The following ARHGEF15 variants were observed in gnomAD, a reference collection of about 807,000 sequenced individuals.
ARHGEF15 encodes Rho guanine nucleotide exchange factor 15, also known as Rho guanine nucleotide exchange factor (GEF) 15.
A neutral mutation model predicts 79.7 loss-of-function variants in ARHGEF15; 58 were observed. That is an observed-to-expected ratio of 0.73 (90% CI 0.59 to 0.91). The LOEUF (loss-of-function observed/expected upper bound fraction) is 0.91. Among genes scored for constraint, ARHGEF15 ranks in the 40% least tolerant of loss-of-function variants. The probability of loss-of-function intolerance (pLI) is 0.00; values close to 1 mark genes in which losing one functional copy is unlikely to be tolerated. For synonymous variants in ARHGEF15, 442 were observed against 456.0 expected (o/e 0.97, Z 0.39); for missense variants, 1,012 against 1,108.1 (o/e 0.91, Z 1.23).
intron 1 of ARHGEF15, chr17:8,310,763 CGTGAG>C (rs1397445080): frequency 2.6e-5 from 4 of 152,172 alleles, no homozygotes; most frequent in Non-Finnish European, 4.4e-5. Flanking sequence ...TGGTGTGGTT[CGTGAG>C]GGGGGGGTGT....
Position 8,312,231 on chromosome 17 carries a change from G to T in ARHGEF15, c.192G>T (p.Glu64Asp). 6.5e-7 allele frequency: 1 copy of T among 1,540,424 alleles called. No individual in the cohort carries two copies. Among genetic ancestry groups the T allele is most frequent in the Non-Finnish European group, 8.7e-7 (1 of 1,143,310 alleles). The change falls in exon 2 of 16, where the codon GAG (glutamate) becomes GAT (aspartate). Residue 64 changes from glutamate to aspartate, a missense_variant. Glu to Asp is a conservative substitution (Grantham distance 45, BLOSUM62 2). This residue lies in a region of ARHGEF15 where 818 missense variants were observed against 882.5 expected (regional missense o/e 0.93). Transcript: ENST00000361926. Reference sequence around the variant, plus strand: ...CAATGTGCACCCCCATCTTCTGGGAGCCCCCAGCTGCATCCCTCAAGCCCC... The same window carrying T: ...CAATGTGCACCCCCATCTTCTGGGATCCCCCAGCTGCATCCCTCAAGCCCC... ...PTPMCTPIFW[E>D]PPAASLKPPA...
intron 3 of ARHGEF15, 48 bp from the exon 4 acceptor site, chr17:8,313,453 G>A: frequency 1.3e-6 from 2 of 1,595,774 alleles, no homozygotes; most frequent in Non-Finnish European, 1.7e-6. Flanking sequence ...AGTCCTGGCT[G>A]GGGATCCTGG....
rs780447065 is a variant in ARHGEF15 at position 8,316,025 on chromosome 17, C to T, written c.1581C>T (p.Thr527=). Reference sequence around the variant, plus strand: ...GCCATGCCTGCTTCTGCAGGGACACCAACGTGCGCTTCTCCGCCGAGCTGC... The same window carrying T: ...GCCATGCCTGCTTCTGCAGGGACACTAACGTGCGCTTCTCCGCCGAGCTGC... ...QEETYSRLMD[T]NVRFSAELRR... is the part of the protein sequence containing the mutation. Residue 527 remains threonine (T), a synonymous_variant, in exon 9 of 16, where the codon ACC becomes ACT. Transcript: ENST00000361926. 6.2e-7 allele frequency: 1 copy of T among 1,602,200 alleles called. No homozygotes were observed. The highest frequency in any genetic ancestry group is 8.5e-7 in the Non-Finnish European group (1 of 1,179,204).
chr17:8,321,229 A>G lies in ARHGEF15; in HGVS notation c.*236A>G. ...CAATGGAGACAGAGGCTTAGTGCAG[A>G]GCAGCCAATGGGTACTGAGCTGGCT... On this transcript the variant is annotated 3_prime_UTR_variant, in exon 16 of 16. Coordinates refer to ENST00000361926, the MANE Select transcript of ARHGEF15 (RefSeq NM_173728.4). 1 of 564,614 alleles carries G rather than the reference A, an allele frequency of 1.8e-6. No homozygotes were observed. The highest frequency in any genetic ancestry group is 3.1e-6 in the Non-Finnish European group (1 of 322,710). 35.0% of individuals were successfully genotyped at this position (564,614 alleles called of 1,614,324 possible). A position where few individuals can be genotyped will look rare whatever the true frequency, so the allele number is the denominator to read the frequency against.
Position 8,315,204 on chromosome 17 carries a change from G to A in ARHGEF15, c.1187G>A (p.Trp396Ter). Residue 396 changes from tryptophan to a stop codon, truncating the protein, a stop_gained, in exon 6 of 16, where the codon TGG (tryptophan) becomes TAG (stop). Coordinates refer to ENST00000361926, the MANE Select transcript of ARHGEF15 (RefSeq NM_173728.4). LOFTEE classifies it high-confidence loss of function. The surrounding 1 kb of genome is among the most constrained non-coding windows in gnomAD (Gnocchi z 4.3). ...CCCCCTGGACCTCGCAACACCCTGT[G>A]GCAGGAGCTTCCGGCTGTGCAAGCC... ...PRPPGPRNTL[W>*]QELPAVQASG... 1.2e-6 allele frequency: 2 copies of A among 1,613,910 alleles called. No homozygotes were observed. Among genetic ancestry groups the A allele is most frequent in the Non-Finnish European group, 1.7e-6 (2 of 1,179,966 alleles).
Position 8,320,915 on chromosome 17 carries a change from G to A in ARHGEF15, c.2448G>A (p.Arg816=), listed in dbSNP as rs1905343818. 1.2e-6 allele frequency: 2 copies of A among 1,614,060 alleles called. No homozygotes were observed. The highest frequency in any genetic ancestry group is 2.2e-5 in the South Asian group (2 of 91,076). The change falls in exon 16 of 16, where the codon AGG becomes AGA. Residue 816 remains arginine (R), a synonymous_variant. Transcript: ENST00000361926. The part of the protein sequence containing the change: ...VCEVTGEHER[R]RHLRQNQRLL... ...AAGTCACAGGGGAACACGAAAGGAG[G>A]AGGCACCTTCGCCAGAACCAGAGGC... is the stretch of plus-strand genomic sequence containing the variant.
chr17:8,316,236 T>C (rs1007925436), intron 9 of ARHGEF15, 88 bp downstream of exon 9: 1 of 1,507,450 alleles, frequency 6.6e-7, no homozygotes, highest in Non-Finnish European at 8.9e-7. Context: ...GCTATCACCA[T>C]GCACTACTCC....
chr17:8,319,314 C>A lies in ARHGEF15; in HGVS notation c.2189C>A (p.Ser730Ter), dbSNP rs1461266356. ...THRLLQASSL[S>*]DMQRWLGAFP... ...ACACTTCCCAATATCCCCACCAGATCAGACATGCAGCGCTGGCTGGGAGCC... is the reference window on the plus strand; with the variant it reads ...ACACTTCCCAATATCCCCACCAGATAAGACATGCAGCGCTGGCTGGGAGCC... Residue 730 changes from serine to a stop codon, truncating the protein, a stop_gained and splice_region_variant, in exon 14 of 16, where the codon TCA becomes TAA. Transcript: ENST00000361926. LOFTEE classifies it high-confidence loss of function. The A allele has an allele frequency of 5.0e-6, 8 of 1,613,682 alleles. No individual in the cohort carries two copies. Among genetic ancestry groups the A allele is most frequent in the Non-Finnish European group, 6.8e-6 (8 of 1,179,872 alleles).
intron 1 of ARHGEF15, among the ~76,000 whole-genome samples, chr17:8,311,256 T>C (rs112761146): frequency 0.013 from 1,965 of 152,104 alleles, 22 homozygotes; most frequent in Middle Eastern, 0.024. Flanking sequence ...CGCAGCGCCC[T>C]GGCCCGACTG....
chr17:8,322,469 C>T lies in ARHGEF15; in HGVS notation c.*1476C>T, dbSNP rs2430. The T allele has an allele frequency of 0.26, 39,118 of 152,260 alleles. 6,346 individuals are homozygous for T. Among genetic ancestry groups the T allele is most frequent in the African/African-American group, 0.45 (18,852 of 41,490 alleles). 9.4% of individuals were successfully genotyped at this position (152,260 alleles called of 1,614,324 possible). On this transcript the variant is annotated 3_prime_UTR_variant, in exon 16 of 16. Transcript: ENST00000361926. ...CATTGGAGACTCCCCTAGCAGGGTG[C>T]CTGACGTGTGGGGAACCCTCAGTAA...
rs1400120670 is a variant in ARHGEF15, at chr17:8,313,566, C to T, written c.989+11C>T. The T allele has an allele frequency of 6.2e-7, 1 of 1,611,928 alleles. No homozygotes were observed. The highest frequency in any genetic ancestry group is 1.3e-5 in the African/African-American group (1 of 74,886). ...AACTGTGGAGGGGAGGTACTGAACA[C>T]CCCCACCCCTACTCCCTGGTTCTCT... On this transcript the variant is annotated intron_variant, in intron 4 of 15. Transcript: ENST00000361926.
rs751489982 is a variant in ARHGEF15, at chr17:8,313,209, C to G, written c.889C>G (p.Pro297Ala). The stretch of plus-strand genomic sequence containing the variant: ...GGATGCCACCATTTTCGGGGACCCC[C>G]CACAGCCAGATCTTGATCTGCTTTC... ...RQDATIFGDP[P>A]QPDLDLLSED... The change falls in exon 3 of 16, where the codon CCA becomes GCA. Residue 297 changes from proline (P) to alanine (A), a missense_variant. Pro to Ala is a conservative substitution (Grantham distance 27, BLOSUM62 -1). Around this residue, in one of 3 missense-constraint regions of ARHGEF15, gnomAD observed 818 missense variants for 882.5 expected, o/e 0.93. Transcript: ENST00000361926. 1.2e-6 allele frequency: 2 copies of G among 1,607,176 alleles called. No homozygotes were observed. Among genetic ancestry groups the G allele is most frequent in the Non-Finnish European group, 1.7e-6 (2 of 1,179,980 alleles).
At chr17:8,316,945 G>A (rs1905064270) in intron 9 of ARHGEF15, among the ~76,000 whole-genome samples, 1 of 152,034 alleles carries the variant, frequency 6.6e-6, no homozygotes, top group Non-Finnish European at 1.5e-5. Context: ...ACCATGCCTG[G>A]CTAATTTTTG....
intron 15 of ARHGEF15, among the ~76,000 whole-genome samples, 143 bp from the exon 16 acceptor site, chr17:8,320,688 ACTTCTGATGCC>A (rs1905324011): frequency 6.6e-6 from 1 of 152,066 alleles, no homozygotes; most frequent in Non-Finnish European, 1.5e-5. Flanking sequence ...TGTCACCTCC[ACTTCTGATGCC>A]CTTTCTACCG....
At chr17:8,316,653 G>C (rs1905044374) in intron 9 of ARHGEF15, among the ~76,000 whole-genome samples, 1 of 152,228 alleles carries the variant, frequency 6.6e-6, no homozygotes, top group African/African-American at 2.4e-5. Context: ...CAGAGTTCCA[G>C]TAGATCTGTA....
rs1254529014 is a variant in ARHGEF15, at chr17:8,315,778, G to A, written c.1445G>A (p.Arg482His). The A allele has an allele frequency of 2.5e-6, 4 of 1,612,906 alleles. No individual in the cohort carries two copies. Among genetic ancestry groups the A allele is most frequent in the East Asian group, 2.2e-5 (1 of 44,844 alleles). The change falls in exon 8 of 16, where the codon CGT becomes CAT. Residue 482 changes from arginine to histidine, a missense_variant. This residue lies in a region of ARHGEF15 where 818 missense variants were observed against 882.5 expected (regional missense o/e 0.93). Transcript: ENST00000361926. The surrounding 1 kb of genome is among the most constrained non-coding windows in gnomAD (Gnocchi z 4.3). ...AGGTTTCTAGCAACGCTCCTGTCCC[G>A]TGTGCGCTCTTCCCCCCACATCAGC... ...SERFLATLLS[R>H]VRSSPHISDL... is the part of the protein sequence containing the mutation.
Position 8,314,129 on chromosome 17 carries a change from G to A in ARHGEF15, c.989+574G>A, listed in dbSNP as rs1026092223. The A allele has an allele frequency of 2.6e-5, 4 of 152,346 alleles. No homozygotes were observed. In the East Asian group the frequency reaches 7.7e-4, roughly 29 times the overall value. 9.4% of individuals were successfully genotyped at this position (152,346 alleles called of 1,614,324 possible). A position where few individuals can be genotyped will look rare whatever the true frequency, so the allele number is the denominator to read the frequency against. The stretch of plus-strand genomic sequence containing the variant: ...CCACCTCATGGAATCGTGGGGATAT[G>A]ATATTGTGAAGAGCCGGGTCCAGAG... On this transcript the variant is annotated intron_variant, in intron 4 of 15. Coordinates refer to ENST00000361926, the MANE Select transcript of ARHGEF15 (RefSeq NM_173728.4).
At position 8,318,920 on chromosome 17, in the gene ARHGEF15, A is replaced by G. The variant is rs758137088; in HGVS notation, c.2033+10A>G. Reference sequence around the variant, plus strand: ...TCACTCAGCCTAAGAGGTGAGTCCTAGGGAAGGAAGGAGCCCAGGCTGGAG... The same window carrying G: ...TCACTCAGCCTAAGAGGTGAGTCCTGGGGAAGGAAGGAGCCCAGGCTGGAG... On this transcript the variant is annotated intron_variant, in intron 12 of 15. Transcript: ENST00000361926. This position sits in a 1 kb window ranked among gnomAD's most constrained non-coding sequence, Gnocchi z 5.0. 5 of 1,610,662 alleles carry G rather than the reference A, an allele frequency of 3.1e-6. No homozygotes were observed. The highest frequency in any genetic ancestry group is 4.2e-6 in the Non-Finnish European group (5 of 1,179,152).
Position 8,321,049 on chromosome 17 carries a change from G to T in ARHGEF15, c.*56G>T. On this transcript the variant is annotated 3_prime_UTR_variant, in exon 16 of 16. Transcript: ENST00000361926. ...GACACCTACCAGTGTGGCACGGAGA[G>T]AACAAAGCCCATTCATCCATTGGAT... The T allele has an allele frequency of 6.3e-7, 1 of 1,598,474 alleles. No homozygotes were observed. Among genetic ancestry groups the T allele is most frequent in the Non-Finnish European group, 8.6e-7 (1 of 1,168,862 alleles).
Sources: allele counts gnomAD v4.1 joint callset (sites outside exome capture counted in the v4.1 genomes callset), GRCh38; gene constraint gnomAD v4.1.1; regional missense constraint gnomAD v4.1.1; non-coding constraint Gnocchi (gnomAD v3.1); transcripts MANE v1.5; gene names NCBI Gene and HGNC (gene_info 2026-07-23, HGNC 2026-07-21).